Variants in FHIT observed in about 807,000 individuals in gnomAD.
FHIT encodes fragile histidine triad diadenosine triphosphatase.
FHIT carries 19 observed loss-of-function variants against 17.9 expected under a neutral mutation model. That is an observed-to-expected ratio of 1.06 (90% CI 0.74 to 1.56). The LOEUF (loss-of-function observed/expected upper bound fraction) is 1.56. Ranked by LOEUF, FHIT falls within the 40% of genes most tolerant of loss-of-function variation. The pLI is 0.00. For synonymous variants in FHIT, 81 were observed against 69.7 expected (o/e 1.16, Z -0.81); for missense variants, 248 against 189.2 (o/e 1.31, Z -1.82).
intron 5 of FHIT, among the ~76,000 whole-genome samples, chr3:60,103,146 C>T (rs1433444525): frequency 1.3e-5 from 2 of 152,292 alleles, no homozygotes; most frequent in East Asian, 1.9e-4. Context: ...GCAGCTCTCT[C>T]TCAGTTTTAC....
intron 5 of FHIT, among the ~76,000 whole-genome samples, chr3:60,358,527 G>C (rs1699769012): frequency 6.6e-6 from 1 of 152,196 alleles, no homozygotes. Context: ...TATGATCATT[G>C]AGCAAATATT....
intron 5 of FHIT, among the ~76,000 whole-genome samples, chr3:60,291,985 G>C (rs1404732262): frequency 2.6e-5 from 4 of 152,136 alleles, no homozygotes; most frequent in Non-Finnish European, 5.9e-5. Context: ...TGAGATGATA[G>C]ATTCCGGTGA....
chr3:60,239,872 T>C (rs1012688199), intron 5 of FHIT, among the ~76,000 whole-genome samples: 2 of 152,188 alleles, frequency 1.3e-5, no homozygotes, highest in African/African-American at 4.8e-5. Flanking sequence ...ATCTAAGAAG[T>C]TGAGACCTTG....
intron 4 of FHIT, among the ~76,000 whole-genome samples, chr3:60,561,946 A>AAGAGAGAG (rs147703483): frequency 6.0e-5 from 9 of 150,628 alleles, no homozygotes; most frequent in Admixed American, 4.0e-4. Flanking sequence ...GAAAGAGAGA[A>AAGAGAGAG]ACAGAGAGAG....
intron 4 of FHIT, among the ~76,000 whole-genome samples, chr3:60,578,440 A>AACACACACAC (rs71748891): frequency 0.062 from 9,011 of 144,276 alleles, 301 homozygotes; most frequent in Middle Eastern, 0.089. Flanking sequence ...CCATCTACAA[A>AACACACACAC]ACACACACAC....
chr3:60,158,060 G>C (rs1700779763), intron 5 of FHIT, among the ~76,000 whole-genome samples: 1 of 152,168 alleles, frequency 6.6e-6, no homozygotes, highest in African/African-American at 2.4e-5. Flanking sequence ...GTTCCTACCA[G>C]CTCATCTTTG....
chr3:60,131,993 A>G (rs924045526), intron 5 of FHIT, among the ~76,000 whole-genome samples: 3 of 152,116 alleles, frequency 2.0e-5, no homozygotes, highest in African/African-American at 7.2e-5. Context: ...TGTCAAACAG[A>G]CTGAGCTTAG....
chr3:59,908,335 G>T (rs1485727), intron 8 of FHIT, among the ~76,000 whole-genome samples: 45,887 of 152,178 alleles, frequency 0.3, 7,981 homozygotes, highest in Admixed American at 0.44. Context: ...CTAATTTCCT[G>T]CAGGTCTTAG....
intron 5 of FHIT, among the ~76,000 whole-genome samples, chr3:60,283,611 A>T (rs1707574545): frequency 6.6e-6 from 1 of 152,118 alleles, no homozygotes. Context: ...TTTTTTAAAA[A>T]TGTTTTTCTT....
At chr3:60,217,550 C>A (rs1299562523) in intron 5 of FHIT, among the ~76,000 whole-genome samples, 1 of 152,162 alleles carries the variant, frequency 6.6e-6, no homozygotes, top group African/African-American at 2.4e-5. Context: ...CCCTAACACC[C>A]CCTTTCTAAA....
intron 4 of FHIT, among the ~76,000 whole-genome samples, chr3:60,797,341 A>G (rs1267577408): frequency 1.3e-5 from 2 of 152,176 alleles, no homozygotes; most frequent in African/African-American, 4.8e-5. Flanking sequence ...ACTGCAGACA[A>G]TAGAGATGTA....
chr3:60,518,962 A>G (rs2035260159), intron 5 of FHIT, among the ~76,000 whole-genome samples: 1 of 152,210 alleles, frequency 6.6e-6, no homozygotes, highest in South Asian at 2.1e-4. Context: ...CCGAGGTGGC[A>G]CCAATGCACT....
At chr3:59,908,641 C>T (rs979056002) in intron 8 of FHIT, among the ~76,000 whole-genome samples, 2 of 151,990 alleles carry the variant, frequency 1.3e-5, no homozygotes, top group African/African-American at 4.8e-5. Flanking sequence ...CTGCCTACCC[C>T]ACACGACATG....
chr3:60,160,563 C>G (rs1234453686), intron 5 of FHIT, among the ~76,000 whole-genome samples: 2 of 152,164 alleles, frequency 1.3e-5, no homozygotes, highest in South Asian at 4.1e-4. Context: ...CAAGCTGGAG[C>G]CCTTAGTTGA....
At chr3:60,393,085 G>A (rs1020008054) in intron 5 of FHIT, among the ~76,000 whole-genome samples, 4 of 152,042 alleles carry the variant, frequency 2.6e-5, no homozygotes, top group African/African-American at 7.2e-5. Context: ...TTACAGTCCC[G>A]ATTTGGCCCC....
intron 7 of FHIT, among the ~76,000 whole-genome samples, chr3:59,978,367 T>C (rs1708504662): frequency 6.6e-6 from 1 of 152,088 alleles, no homozygotes; most frequent in Non-Finnish European, 1.5e-5. Context: ...TATTTCTTCC[T>C]GAAATGGAAA....
rs1706233208 is a variant in FHIT, at chr3:60,260,447, G to A, written c.104-246295C>T. Among the ~76,000 whole-genome samples the A allele has an allele frequency of 1.3e-5, 2 of 151,740 alleles. 1 individual carries two copies. Among genetic ancestry groups the A allele is most frequent in the South Asian group, 4.2e-4 (2 of 4,804 alleles). On this transcript the variant is annotated intron_variant, in intron 5 of 9. Coordinates refer to ENST00000492590, the MANE Select transcript of FHIT (RefSeq NM_002012.4). ...CTGCCAGGTGTAAGCGTTAAAACTT[G>A]GCGTATTCACTATTGTTTAGAAGTT...
intron 8 of FHIT, among the ~76,000 whole-genome samples, chr3:59,776,688 A>T (rs111869460): frequency 2.6e-5 from 4 of 152,108 alleles, no homozygotes; most frequent in African/African-American, 7.2e-5. Flanking sequence ...AGATCAAATG[A>T]TTCTCCCCTT....
intron 5 of FHIT, among the ~76,000 whole-genome samples, chr3:60,063,907 A>C (rs903714049): frequency 1.3e-5 from 2 of 152,224 alleles, no homozygotes; most frequent in Non-Finnish European, 2.9e-5. Context: ...ATTAAGAATA[A>C]TGAGGTAGGT....
Sources: gnomAD v4.1 joint callset for allele counts (sites outside exome capture counted in the v4.1 genomes callset) on GRCh38, gnomAD v4.1.1 for gene constraint, MANE v1.5 for transcripts, NCBI Gene and HGNC (gene_info 2026-07-23, HGNC 2026-07-21) for gene names.